The following CNTN4 variants were observed in gnomAD, a reference collection of about 807,000 sequenced individuals.
The protein encoded by CNTN4 is contactin 4.
CNTN4 carries 77 observed loss-of-function variants against 122.5 expected under a neutral mutation model. That is an observed-to-expected ratio of 0.63 (90% confidence interval 0.52 to 0.76). The LOEUF (loss-of-function observed/expected upper bound fraction) is 0.76. Among genes scored for constraint, CNTN4 ranks in the 30% least tolerant of loss-of-function variants. CNTN4 has a pLI of 0.00. For synonymous variants in CNTN4, 512 were observed against 447.0 expected (o/e 1.15, Z -1.83); for missense variants, 1,256 against 1,259.1 (o/e 1.00, Z 0.04).
intron 3 of CNTN4, among the ~76,000 whole-genome samples, chr3:2,453,099 AGAAAT>A (rs1253568631): frequency 2.0e-5 from 3 of 152,170 alleles, no homozygotes; most frequent in African/African-American, 7.2e-5. Flanking sequence ...TGTTTTGAAA[AGAAAT>A]GGTAATGATA....
Position 3,057,216 on chromosome 3 carries a change from T to G in CNTN4, c.*996T>G, listed in dbSNP as rs1415060234. ...ATTTCTTATATATAATATGTGTATCTCTGTAATAATAGAGCCCTTCTTTTG... is the reference window on the plus strand; with the variant it reads ...ATTTCTTATATATAATATGTGTATCGCTGTAATAATAGAGCCCTTCTTTTG... On this transcript the variant is annotated 3_prime_UTR_variant, in exon 25 of 25. Transcript: ENST00000418658. The G allele has an allele frequency of 6.6e-6, 1 of 152,616 alleles. No individual in the cohort carries two copies. The highest frequency in any genetic ancestry group is 1.5e-5 in the Non-Finnish European group (1 of 68,048). 9.5% of individuals were successfully genotyped at this position (152,616 alleles called of 1,614,324 possible).
At chr3:2,371,283 T>G (rs1045876017) in intron 3 of CNTN4, among the ~76,000 whole-genome samples, 1 of 152,196 alleles carries the variant, frequency 6.6e-6, no homozygotes, top group Non-Finnish European at 1.5e-5. Flanking sequence ...ACTGTGCCAT[T>G]CAACTCTTTC....
At chr3:2,920,891 G>A (rs1344499778) in intron 12 of CNTN4, among the ~76,000 whole-genome samples, 1 of 152,166 alleles carries the variant, frequency 6.6e-6, no homozygotes, top group African/African-American at 2.4e-5. Flanking sequence ...TCAGGAAACA[G>A]GGCATTCAGT....
At chr3:2,103,726 AT>A (rs750488616) in intron 2 of CNTN4, among the ~76,000 whole-genome samples, 2 of 148,858 alleles carry the variant, frequency 1.3e-5, no homozygotes, top group Non-Finnish European at 2.9e-5. Context: ...TTATTTATCT[AT>A]TTATTTATCT....
intron 6 of CNTN4, among the ~76,000 whole-genome samples, chr3:2,815,704 A>G (rs1396571580): frequency 6.6e-6 from 1 of 152,134 alleles, no homozygotes; most frequent in African/African-American, 2.4e-5. Context: ...AAGTAGAACT[A>G]CCATTTGATC....
chr3:2,863,168 T>G (rs1372494161), intron 7 of CNTN4, among the ~76,000 whole-genome samples: 2 of 152,208 alleles, frequency 1.3e-5, no homozygotes, highest in Non-Finnish European at 2.9e-5. Flanking sequence ...CCTTCCTGAT[T>G]GCCCTGAAGA....
chr3:2,818,632 T>C (rs183562312), intron 6 of CNTN4, among the ~76,000 whole-genome samples: 11 of 152,334 alleles, frequency 7.2e-5, no homozygotes, highest in Non-Finnish European at 1.2e-4. Context: ...AAAAAACGTT[T>C]CTTGAACAAT....
At position 2,539,457 on chromosome 3, in the gene CNTN4, C is replaced by G. The variant is rs78961041; in HGVS notation, c.-88-31959C>G. ...AACAAATAAGATTTTTCTTAGTTTA[C>G]CAACTTAACTATTTTTTCCTTAATC... On this transcript the variant is annotated intron_variant, in intron 3 of 24. Transcript: ENST00000418658. 3.8e-3 allele frequency among the ~76,000 whole-genome samples: 584 copies of G among 152,078 alleles called. 22 individuals are homozygous for G. The East Asian group carries it at 0.084, about 22-fold the overall frequency.
At chr3:2,853,819 G>T (rs1234010746) in intron 7 of CNTN4, among the ~76,000 whole-genome samples, 1 of 152,164 alleles carries the variant, frequency 6.6e-6, no homozygotes, top group Non-Finnish European at 1.5e-5. Flanking sequence ...TTTAAGTCAT[G>T]TGATCCTCAC....
chr3:2,109,588 T>G (rs939052827), intron 2 of CNTN4, among the ~76,000 whole-genome samples: 1 of 152,210 alleles, frequency 6.6e-6, no homozygotes, highest in Admixed American at 6.5e-5. Flanking sequence ...TGTGTGCTTA[T>G]GCTGAGATGG....
chr3:2,203,077 G>T (rs186405279), intron 2 of CNTN4, among the ~76,000 whole-genome samples: 10 of 151,270 alleles, frequency 6.6e-5, no homozygotes, highest in Admixed American at 2.6e-4. Flanking sequence ...CAAGTTGTCT[G>T]CCCGCCTCAG....
At chr3:2,661,579 G>A (rs758231906) in intron 4 of CNTN4, among the ~76,000 whole-genome samples, 15 of 151,720 alleles carry the variant, frequency 9.9e-5, no homozygotes, top group South Asian at 2.1e-4. Context: ...TTGGAAGGCC[G>A]AGGTGGGCGG....
At chr3:2,894,797 A>C (rs138196449) in intron 10 of CNTN4, among the ~76,000 whole-genome samples, 166 of 152,300 alleles carry the variant, frequency 1.1e-3, no homozygotes, top group African/African-American at 3.8e-3. Context: ...AATCGGGCCC[A>C]ACAGCCTTTT....
intron 4 of CNTN4, among the ~76,000 whole-genome samples, chr3:2,598,777 C>G (rs1357696239): frequency 3.3e-5 from 5 of 152,080 alleles, no homozygotes; most frequent in Admixed American, 3.3e-4. Flanking sequence ...GCATGTAGAG[C>G]CATTGTATTT....
chr3:2,632,007 C>T (rs2082460948), intron 4 of CNTN4, among the ~76,000 whole-genome samples: 2 of 151,776 alleles, frequency 1.3e-5, no homozygotes, highest in Admixed American at 1.3e-4. Flanking sequence ...GCCATGATTG[C>T]ACTACTGCAC....
chr3:3,047,231 T>C (rs1030367476), intron 23 of CNTN4, among the ~76,000 whole-genome samples: 3 of 151,826 alleles, frequency 2.0e-5, no homozygotes, highest in Non-Finnish European at 2.9e-5. Context: ...GACAGAAAGT[T>C]AACAAGGATA....
chr3:2,252,622 A>T (rs887354764), intron 2 of CNTN4, among the ~76,000 whole-genome samples: 5 of 152,072 alleles, frequency 3.3e-5, no homozygotes, highest in African/African-American at 1.2e-4. Context: ...TCTGGGGGAG[A>T]TAAAATGTAG....
In CNTN4 at chr3:2,483,053, C is replaced by A. The variant is rs140984886; in HGVS notation, c.-88-88363C>A. 4.1e-4 allele frequency among the ~76,000 whole-genome samples: 63 copies of A among 152,274 alleles called. No homozygotes were observed. In the East Asian group the frequency reaches 8.7e-3, roughly 21 times the overall value. On this transcript the variant is annotated intron_variant, in intron 3 of 24. Transcript: ENST00000418658. ...AGCTTGTACTGTGCACCTGGAAAAG[C>A]CACAGACACTCAATGCCAGCCTGTG...
chr3:2,111,026 C>G (rs1559251021), intron 2 of CNTN4, among the ~76,000 whole-genome samples: 1 of 152,122 alleles, frequency 6.6e-6, no homozygotes, highest in Non-Finnish European at 1.5e-5. Flanking sequence ...ACAGCATGAT[C>G]TTTATGGTAT....
Sources: allele counts gnomAD v4.1 joint callset (sites outside exome capture counted in the v4.1 genomes callset), GRCh38; gene constraint gnomAD v4.1.1; transcripts MANE v1.5; gene names NCBI Gene and HGNC (gene_info 2026-07-23, HGNC 2026-07-21).